ELOVL2: variants seen among roughly 807,000 people sequenced by gnomAD.
The protein encoded by ELOVL2 is very long chain fatty acid elongase 2.
In ELOVL2, 38 loss-of-function variants were observed where a neutral mutation model predicts 37.7. The ratio of observed to expected loss-of-function variants is 1.01; its 90% CI spans 0.78 to 1.32. The LOEUF is 1.32. Among genes scored for constraint, ELOVL2 ranks in the 40% most tolerant of loss-of-function variants. ELOVL2 has a pLI of 0.00. For missense variants in ELOVL2, 352 were observed against 363.6 expected (o/e 0.97, Z 0.26); for synonymous variants, 115 against 122.3 (o/e 0.94, Z 0.40).
chr6:11,017,308 A>G (rs1412318452), intron 1 of ELOVL2, among the ~76,000 whole-genome samples: 5 of 152,124 alleles, frequency 3.3e-5, no homozygotes, highest in African/African-American at 7.2e-5. Context: ...GAGACTGCAG[A>G]CTCAAGAGTG....
At chr6:11,026,386 C>T (rs371380563) in intron 1 of ELOVL2, among the ~76,000 whole-genome samples, 2 of 152,228 alleles carry the variant, frequency 1.3e-5, no homozygotes, top group Non-Finnish European at 1.5e-5. Context: ...CTCCTGTAAC[C>T]AGCAAGTAGT....
intron 1 of ELOVL2, among the ~76,000 whole-genome samples, chr6:11,013,629 G>A (rs940344879): frequency 2.0e-5 from 3 of 152,164 alleles, no homozygotes; most frequent in Non-Finnish European, 4.4e-5. Flanking sequence ...TGCACAAATT[G>A]GGAAAGTGAG....
intron 7 of ELOVL2, among the ~76,000 whole-genome samples, chr6:10,984,216 C>T (rs1403581376): frequency 6.6e-6 from 1 of 152,120 alleles, no homozygotes; most frequent in East Asian, 1.9e-4. Context: ...TGGGGTTTCA[C>T]CATGTTGCCC....
chr6:11,001,866 G>A (rs1045787692), intron 3 of ELOVL2, among the ~76,000 whole-genome samples: 1 of 152,166 alleles, frequency 6.6e-6, no homozygotes, highest in Non-Finnish European at 1.5e-5. Context: ...GTGTAAGGAG[G>A]TGTGGACTAA....
At chr6:11,025,239 C>T (rs1210178234) in intron 1 of ELOVL2, among the ~76,000 whole-genome samples, 2 of 152,168 alleles carry the variant, frequency 1.3e-5, no homozygotes, top group Non-Finnish European at 2.9e-5. Flanking sequence ...ACGCTGCCAA[C>T]CCTGACAGCC....
intron 1 of ELOVL2, among the ~76,000 whole-genome samples, chr6:11,039,133 C>T (rs2113569694): frequency 6.6e-6 from 1 of 152,298 alleles, no homozygotes; most frequent in Admixed American, 6.5e-5. Flanking sequence ...TGTAAAGATG[C>T]TGAGGCCCCA....
chr6:11,029,688 T>C (rs1028294993), intron 1 of ELOVL2, among the ~76,000 whole-genome samples: 1 of 152,132 alleles, frequency 6.6e-6, no homozygotes, highest in Non-Finnish European at 1.5e-5. Flanking sequence ...AGTGCAGTGG[T>C]ATAAAAGGGA....
At chr6:11,014,748 T>G (rs2113530482) in intron 1 of ELOVL2, among the ~76,000 whole-genome samples, 1 of 152,332 alleles carries the variant, frequency 6.6e-6, no homozygotes. Context: ...AAGCAGAGTT[T>G]GTGTTTATGT....
At chr6:11,010,566 G>A (rs921227636) in intron 2 of ELOVL2, among the ~76,000 whole-genome samples, 180 bp downstream of exon 2, 7 of 152,208 alleles carry the variant, frequency 4.6e-5, no homozygotes, top group African/African-American at 1.4e-4. Context: ...AGGTTAAGCA[G>A]TAGGAGAAAT....
At chr6:11,027,735 C>T (rs371270593) in intron 1 of ELOVL2, among the ~76,000 whole-genome samples, 144 of 152,112 alleles carry the variant, frequency 9.5e-4, no homozygotes, top group Non-Finnish European at 1.6e-3. Context: ...CAACTTATCC[C>T]GTTCTCCTCT....
At chr6:11,035,466 C>A (rs751103176) in intron 1 of ELOVL2, among the ~76,000 whole-genome samples, 1 of 152,150 alleles carries the variant, frequency 6.6e-6, no homozygotes, top group Non-Finnish European at 1.5e-5. Flanking sequence ...TTCACACAAT[C>A]GGTTTCATCA....
intron 1 of ELOVL2, among the ~76,000 whole-genome samples, chr6:11,032,326 A>T (rs1782942299): frequency 8.2e-6 from 1 of 122,030 alleles, no homozygotes; most frequent in South Asian, 3.0e-4. Context: ...CACAATTTGG[A>T]TAAATGTTTC....
chr6:11,004,328 C>G (rs1323739), intron 3 of ELOVL2, among the ~76,000 whole-genome samples: 62,893 of 151,720 alleles, frequency 0.41, 13,842 homozygotes, highest in East Asian at 0.71. Context: ...TATATTTGTG[C>G]CATTATCCAC....
chr6:11,024,086 G>A (rs949616627), intron 1 of ELOVL2, among the ~76,000 whole-genome samples: 9 of 152,198 alleles, frequency 5.9e-5, no homozygotes, highest in African/African-American at 2.2e-4. Flanking sequence ...ACAACTCTAT[G>A]GAGGGAGGGA....
At chr6:10,992,799 A>ACAAAAC (rs1554110937) in intron 5 of ELOVL2, among the ~76,000 whole-genome samples, 11,867 of 116,494 alleles carry the variant, frequency 0.1, 1,637 homozygotes, top group African/African-American at 0.3. Flanking sequence ...AAAAAACAAA[A>ACAAAAC]CAAAAAAAAA....
chr6:10,992,333 A>G (rs1782176704), intron 5 of ELOVL2, among the ~76,000 whole-genome samples: 1 of 152,232 alleles, frequency 6.6e-6, no homozygotes, highest in African/African-American at 2.4e-5. Context: ...GAAGTTTTAC[A>G]TGTTCTGATT....
At chr6:10,984,088 G>C (rs1273175731) in intron 7 of ELOVL2, among the ~76,000 whole-genome samples, 182 bp from the exon 8 acceptor site, 11 of 152,152 alleles carry the variant, frequency 7.2e-5, no homozygotes, top group Non-Finnish European at 1.5e-5. Flanking sequence ...CACGATCCCC[G>C]TTCACTGCGA....
rs1198281183 is a variant in ELOVL2 at position 10,989,641 on chromosome 6, A to C, written c.765+62T>G. 8.1e-5 allele frequency: 23 copies of C among 285,542 alleles called. No homozygotes were observed. In the South Asian group the frequency reaches 1.8e-3, roughly 22 times the overall value. The allele number at this position is 285,542 out of a possible 1,614,324, so 17.7% of individuals were successfully genotyped here. A position where few individuals can be genotyped will look rare whatever the true frequency, so the allele number is the denominator to read the frequency against. ...GCAATAAGAGCGAAACTCTGTCTCCAAAAAAAAAAAAATAGTGCCAATCGA... is the reference window on the plus strand; with the variant it reads ...GCAATAAGAGCGAAACTCTGTCTCCCAAAAAAAAAAAATAGTGCCAATCGA... On this transcript the variant is annotated intron_variant, in intron 7 of 7. Coordinates refer to ENST00000354666, the MANE Select transcript of ELOVL2 (RefSeq NM_017770.4).
intron 3 of ELOVL2, among the ~76,000 whole-genome samples, chr6:11,005,158 CAA>C (rs879891585): frequency 7.3e-6 from 1 of 136,488 alleles, no homozygotes; most frequent in African/African-American, 2.7e-5. Flanking sequence ...GACTCCATCT[CAA>C]AAAAAAAAAG....
Sources: allele counts gnomAD v4.1 joint callset (sites outside exome capture counted in the v4.1 genomes callset), GRCh38; gene constraint gnomAD v4.1.1; transcripts MANE v1.5; gene names NCBI Gene and HGNC (gene_info 2026-07-23, HGNC 2026-07-21).